DENND5A: variants seen among roughly 807,000 people sequenced by gnomAD.
The protein encoded by DENND5A is DENN domain containing 5A.
DENND5A carries 64 observed loss-of-function variants against 140.3 expected under a neutral mutation model. The ratio of observed to expected loss-of-function variants is 0.46; its 90% CI spans 0.37 to 0.56. The LOEUF is 0.56. Ranked by LOEUF, DENND5A falls within the 20% of genes least tolerant of loss-of-function variation. The pLI is 0.00. For synonymous variants in DENND5A, 605 were observed against 607.7 expected, an observed-to-expected ratio of 1.00 and a Z score of 0.07; for missense variants, 1,292 against 1,593.8, an observed-to-expected ratio of 0.81 and a Z score of 3.22.
At chr11:9,184,221 C>T (rs1026771614) in intron 5 of DENND5A, among the ~76,000 whole-genome samples, 13 of 151,924 alleles carry the variant, frequency 8.6e-5, no homozygotes, top group African/African-American at 1.9e-4. Flanking sequence ...GGCGTGGTGG[C>T]GGGTGCCTAT....
Position 9,144,262 on chromosome 11 carries a change from ACCGG to A in DENND5A, c.3135_3138del (p.Arg1046GlyfsTer2). ...CCATCATCCATGCCCTTCCCTAACC[ACCGG>A]CCACACGGGAACCTGAAGATCAGAC... On this transcript the variant is annotated frameshift_variant, in exon 19 of 23. Transcript: ENST00000328194. LOFTEE classifies it high-confidence loss of function. The A allele has an allele frequency of 1.2e-6, 2 of 1,613,722 alleles. No individual in the cohort carries two copies. Among genetic ancestry groups the A allele is most frequent in the Non-Finnish European group, 1.7e-6 (2 of 1,179,906 alleles).
intron 9 of DENND5A, chr11:9,170,417 T>C (rs1436098210): frequency 1.9e-6 from 1 of 536,092 alleles, no homozygotes; most frequent in African/African-American, 2.1e-5. Flanking sequence ...TATGGAGCTA[T>C]CCCAATCTGC....
intron 1 of DENND5A, among the ~76,000 whole-genome samples, chr11:9,251,516 TC>T: frequency 6.6e-6 from 1 of 152,094 alleles, no homozygotes; most frequent in Non-Finnish European, 1.5e-5. Flanking sequence ...TCATATCTGA[TC>T]CCCTGAAGGC....
intron 5 of DENND5A, among the ~76,000 whole-genome samples, chr11:9,183,556 G>A (rs1006747227): frequency 1.2e-4 from 18 of 151,948 alleles, no homozygotes; most frequent in African/African-American, 3.6e-4. Flanking sequence ...TGGACTATAG[G>A]CACACAACAT....
At chr11:9,207,145 C>A in intron 2 of DENND5A, 1 of 439,524 alleles carries the variant, frequency 2.3e-6, no homozygotes. Context: ...TTAAAGTCAA[C>A]TAAAAACATC....
chr11:9,257,826 T>A (rs1268395213), intron 1 of DENND5A, among the ~76,000 whole-genome samples: 1 of 142,136 alleles, frequency 7.0e-6, no homozygotes, highest in African/African-American at 2.7e-5. Flanking sequence ...AAGGTCTCAC[T>A]TTGTTGCCCA....
chr11:9,188,555 G>A (rs1229898278), intron 5 of DENND5A, among the ~76,000 whole-genome samples: 3 of 152,198 alleles, frequency 2.0e-5, no homozygotes, highest in Non-Finnish European at 4.4e-5. Context: ...TTGAATGGCT[G>A]TGACCAAAAT....
intron 7 of DENND5A, 54 bp from the exon 8 acceptor site, chr11:9,178,420 T>A: frequency 9.0e-7 from 1 of 1,105,682 alleles, no homozygotes; most frequent in East Asian, 2.5e-5. Flanking sequence ...AATGTCAATG[T>A]GCCCAAGGGA....
intron 4 of DENND5A, among the ~76,000 whole-genome samples, chr11:9,197,023 G>A (rs1849353247): frequency 2.0e-5 from 3 of 151,604 alleles, no homozygotes; most frequent in African/African-American, 7.3e-5. Context: ...TAGTACATTA[G>A]GCCAGGTGTG....
Position 9,245,882 on chromosome 11 carries a change from C to T in DENND5A, c.109+19079G>A, listed in dbSNP as rs139969321. Among the ~76,000 whole-genome samples the T allele has an allele frequency of 5.6e-4, 85 of 152,250 alleles. 1 individual carries two copies. Among genetic ancestry groups the T allele is most frequent in the East Asian group, 5.3e-3 (27 of 5,122 alleles). ...CTCCTGACCTCAGGTGATCCGCCTG[C>T]CTCAGCCTCACAAAGTGCTGGGATT... On this transcript the variant is annotated intron_variant, in intron 1 of 22. Coordinates refer to ENST00000328194, the MANE Select transcript of DENND5A (RefSeq NM_015213.4).
chr11:9,226,963 G>A (rs1174392876), intron 1 of DENND5A, among the ~76,000 whole-genome samples: 2 of 152,118 alleles, frequency 1.3e-5, no homozygotes, highest in African/African-American at 2.4e-5. Flanking sequence ...GAGGTCAGGA[G>A]TTCGAGACCA....
Position 9,221,363 on chromosome 11 carries a change from A to G in DENND5A, c.110-13731T>C, listed in dbSNP as rs1850305282. On this transcript the variant is annotated intron_variant, in intron 1 of 22. Transcript: ENST00000328194. ...GAAGAATCTCTTGAACCTGGGAGGCAGAGGTTGTAGTGAGCCGAGATAGCG... is the reference window on the plus strand; with the variant it reads ...GAAGAATCTCTTGAACCTGGGAGGCGGAGGTTGTAGTGAGCCGAGATAGCG... Among the ~76,000 whole-genome samples the G allele has an allele frequency of 2.6e-5, 4 of 152,166 alleles. No homozygotes were observed. The South Asian group carries it at 8.3e-4, about 32-fold the overall frequency.
chr11:9,147,343 C>T (rs1000325690), intron 15 of DENND5A, among the ~76,000 whole-genome samples, 192 bp from the exon 16 acceptor site: 2 of 152,166 alleles, frequency 1.3e-5, no homozygotes, highest in African/African-American at 4.8e-5. Context: ...TAAGCTACAG[C>T]AGGAACAACA....
intron 18 of DENND5A, 39 bp downstream of exon 18, chr11:9,144,956 A>G: frequency 7.1e-7 from 1 of 1,411,716 alleles, no homozygotes; most frequent in Non-Finnish European, 1.0e-6. Context: ...CTGTAGATAC[A>G]CCTTGCCCCT....
intron 8 of DENND5A, chr11:9,170,987 AAGGGCAGGACCC>A: frequency 1.2e-6 from 1 of 804,044 alleles, no homozygotes; most frequent in South Asian, 2.0e-5. Flanking sequence ...TCAGGCAATG[AAGGGCAGGACCC>A]TGAGAAACAG....
chr11:9,144,704 G>A (rs1847365035), intron 18 of DENND5A, among the ~76,000 whole-genome samples: 1 of 151,366 alleles, frequency 6.6e-6, no homozygotes, highest in Admixed American at 6.6e-5. Flanking sequence ...CAGGAGAATC[G>A]CCTCAGCCCA....
At chr11:9,255,529 C>T (rs561851761) in intron 1 of DENND5A, among the ~76,000 whole-genome samples, 10 of 151,300 alleles carry the variant, frequency 6.6e-5, no homozygotes, top group Non-Finnish European at 1.3e-4. Flanking sequence ...GTCAGGAGTT[C>T]GAGACCAGCC....
intron 2 of DENND5A, chr11:9,207,157 C>G (rs1428430903): frequency 8.8e-6 from 4 of 451,980 alleles, no homozygotes; most frequent in Admixed American, 3.6e-5. Flanking sequence ...AAAAACATCA[C>G]AGAAGCATAT....
intron 13 of DENND5A, among the ~76,000 whole-genome samples, chr11:9,152,114 C>T (rs1455519071): frequency 6.6e-6 from 1 of 152,194 alleles, no homozygotes; most frequent in Non-Finnish European, 1.5e-5. Context: ...TGAGACTGGC[C>T]TCTTGCCCAA....
Sources: gnomAD v4.1 joint callset for allele counts (sites outside exome capture counted in the v4.1 genomes callset) on GRCh38, gnomAD v4.1.1 for gene constraint, MANE v1.5 for transcripts, NCBI Gene and HGNC (gene_info 2026-07-23, HGNC 2026-07-21) for gene names.